The following NRSN2 variants were observed in gnomAD, a reference collection of about 807,000 sequenced individuals.
NRSN2 encodes the protein neurensin 2.
NRSN2 carries 10 observed loss-of-function variants against 11.1 expected under a neutral mutation model. That is an observed-to-expected ratio of 0.90 (90% CI 0.56 to 1.53). The LOEUF (loss-of-function observed/expected upper bound fraction) is 1.53, where lower values mean the gene tolerates loss of function less well. Among genes scored for constraint, NRSN2 ranks in the 40% most tolerant of loss-of-function variants. The pLI is 0.00. For missense variants in NRSN2, 260 were observed against 273.7 expected (o/e 0.95, Z 0.35); for synonymous variants, 100 against 117.0 (o/e 0.86, Z 0.94).
chr20:349,607 C>T, intron 3 of NRSN2, 31 bp from the exon 4 acceptor site: 2 of 1,572,280 alleles, frequency 1.3e-6, no homozygotes, highest in Middle Eastern at 4.4e-4. Flanking sequence ...TAATCCCTCC[C>T]TCCGTCAGCT....
chr20:352,575 G>A (rs1182344591), intron 4 of NRSN2, among the ~76,000 whole-genome samples: 3 of 152,184 alleles, frequency 2.0e-5, no homozygotes. Context: ...TGTCTTCGAG[G>A]AACTCTTTTA....
rs746719270 is a variant in NRSN2, at chr20:353,603, G to A, written c.583G>A (p.Val195Met). ...PPASPFGQSS[V>M]QTIQPKRDS ...CGCCAGCCCCTTTGGGCAATCTTCT[G>A]TGCAGACTATCCAGCCCAAGAGGGA... The change falls in exon 5 of 5, where the codon GTG (valine) becomes ATG (methionine). Residue 195 changes from valine to methionine, a missense_variant. Coordinates refer to ENST00000382285, the MANE Select transcript of NRSN2 (RefSeq NM_001323682.2). 5.0e-6 allele frequency: 8 copies of A among 1,614,062 alleles called. No individual in the cohort carries two copies. The highest frequency in any genetic ancestry group is 1.1e-5 in the South Asian group (1 of 91,088).
At chr20:353,070 G>C in intron 4 of NRSN2, 140 bp from the exon 5 acceptor site, 1 of 731,226 alleles carries the variant, frequency 1.4e-6, no homozygotes, top group Non-Finnish European at 2.3e-6. Context: ...TTAGACCCCA[G>C]CAAGTGTGTT....
intron 4 of NRSN2, among the ~76,000 whole-genome samples, chr20:351,622 G>A (rs1181855204): frequency 6.6e-6 from 1 of 152,208 alleles, no homozygotes; most frequent in Non-Finnish European, 1.5e-5. Context: ...CCAAAGAAGA[G>A]AGAAATACTT....
rs2013731392 is a variant in NRSN2, at chr20:349,343, C to T, written c.-27C>T. 1.1e-5 allele frequency: 3 copies of T among 265,526 alleles called. No individual in the cohort carries two copies. Among genetic ancestry groups the T allele is most frequent in the South Asian group, 9.2e-5 (1 of 10,812 alleles). 16.4% of individuals were successfully genotyped at this position (265,526 alleles called of 1,614,324 possible). On this transcript the variant is annotated 5_prime_UTR_variant, in exon 3 of 5. Transcript: ENST00000382285. The stretch of plus-strand genomic sequence containing the variant: ...CACGACTCCAGTCCAAGTGGTCAGG[C>T]TCCAGAGCCCACAGTCCCAGGTACT...
chr20:351,270 T>C (rs60474483), intron 4 of NRSN2, among the ~76,000 whole-genome samples: 16,988 of 152,040 alleles, frequency 0.11, 1,516 homozygotes, highest in African/African-American at 0.25. Flanking sequence ...GGTACTGGCT[T>C]ACACCTGTAA....
At position 354,246 on chromosome 20, in the gene NRSN2, C is replaced by G. The variant is rs1349744606; in HGVS notation, c.*611C>G. The stretch of plus-strand genomic sequence containing the variant: ...GGTGGGTGAAGAAGGCTGGAGGTGA[C>G]ATGTCCGAGGTCACACAACAAAGCA... On this transcript the variant is annotated 3_prime_UTR_variant, in exon 5 of 5. Coordinates refer to ENST00000382285, the MANE Select transcript of NRSN2 (RefSeq NM_001323682.2). 1 of 152,384 alleles carries G rather than the reference C, an allele frequency of 6.6e-6. No individual in the cohort carries two copies. Among genetic ancestry groups the G allele is most frequent in the East Asian group, 1.9e-4 (1 of 5,186 alleles). 9.4% of individuals were successfully genotyped at this position (152,384 alleles called of 1,614,324 possible). A position where few individuals can be genotyped will look rare whatever the true frequency, so the allele number is the denominator to read the frequency against.
In NRSN2 at chr20:353,231, C is replaced by A; in HGVS notation, c.211C>A (p.Leu71Met). The A allele has an allele frequency of 3.7e-6, 6 of 1,614,016 alleles. No homozygotes were observed. The highest frequency in any genetic ancestry group is 5.1e-6 in the Non-Finnish European group (6 of 1,179,992). ...CWKISLSSGTLLLLLGVAALT... is the reference protein window; with the variant it reads ...CWKISLSSGTMLLLLGVAALT... ...CTAGATCAGCCTGTCCTCGGGGACC[C>A]TGCTTCTGCTGCTGGGTGTGGCGGC... The change falls in exon 5 of 5, where the codon CTG becomes ATG. Residue 71 changes from leucine to methionine, a missense_variant. Coordinates refer to ENST00000382285, the MANE Select transcript of NRSN2 (RefSeq NM_001323682.2).
chr20:349,570 A>G, intron 3 of NRSN2, 68 bp from the exon 4 acceptor site: 1 of 1,347,298 alleles, frequency 7.4e-7, no homozygotes, highest in Admixed American at 2.0e-5. Context: ...TAGGGGGCTT[A>G]TGAAGGTCAC....
At chr20:351,568 C>T (rs1014594422) in intron 4 of NRSN2, among the ~76,000 whole-genome samples, 2 of 151,926 alleles carry the variant, frequency 1.3e-5, no homozygotes, top group Non-Finnish European at 2.9e-5. Flanking sequence ...AGAGAGAAAG[C>T]AAAATAGTAA....
intron 4 of NRSN2, among the ~76,000 whole-genome samples, chr20:350,748 A>G (rs1276356632): frequency 6.6e-6 from 1 of 151,944 alleles, no homozygotes; most frequent in Non-Finnish European, 1.5e-5. Context: ...CTTTCAGGCA[A>G]AGTTTGATCC....
rs2014112518 is a variant in NRSN2 at position 353,220 on chromosome 20, C to T, written c.200C>T (p.Ser67Phe). 1.2e-6 allele frequency: 2 copies of T among 1,613,928 alleles called. No homozygotes were observed. Among genetic ancestry groups the T allele is most frequent in the African/African-American group, 1.3e-5 (1 of 75,034 alleles). ...WPSLCWKISL[S>F]SGTLLLLLGV... ...TCTGCTTCTCCCTAGATCAGCCTGT[C>T]CTCGGGGACCCTGCTTCTGCTGCTG... Residue 67 changes from serine to phenylalanine, a missense_variant, in exon 5 of 5, where the codon TCC becomes TTC. By Grantham distance (155) the Ser-to-Phe change is radical. Coordinates refer to ENST00000382285, the MANE Select transcript of NRSN2 (RefSeq NM_001323682.2).
At chr20:350,865 G>T (rs2013913937) in intron 4 of NRSN2, among the ~76,000 whole-genome samples, 1 of 151,952 alleles carries the variant, frequency 6.6e-6, no homozygotes, top group African/African-American at 2.4e-5. Flanking sequence ...CTCCCCACAT[G>T]TTCCCCAAAT....
chr20:353,466 AG>A lies in NRSN2; in HGVS notation c.447del (p.Glu149AspfsTer92). 6.2e-7 allele frequency: 1 copy of A among 1,614,118 alleles called. No individual in the cohort carries two copies. The highest frequency in any genetic ancestry group is 8.5e-7 in the Non-Finnish European group (1 of 1,180,012). ...TGGCTGAGCCAGGACACCAAGGCAG[AG>A]CCCTTGGACCCCGAAGCCGACAGCC... ...IGWLSQDTKA[E>X]PLDPEADSHV... On this transcript the variant is annotated frameshift_variant, in exon 5 of 5. Transcript: ENST00000382285. LOFTEE classifies it high-confidence loss of function.
chr20:353,859 A>C lies in NRSN2; in HGVS notation c.*224A>C. 7.3e-6 allele frequency: 4 copies of C among 545,272 alleles called. No homozygotes were observed. Among genetic ancestry groups the C allele is most frequent in the Non-Finnish European group, 6.4e-6 (2 of 311,940 alleles). 33.8% of individuals were successfully genotyped at this position (545,272 alleles called of 1,614,324 possible). On this transcript the variant is annotated 3_prime_UTR_variant, in exon 5 of 5. Transcript: ENST00000382285. Reference sequence around the variant, plus strand: ...AGTCCTCCCAAAACTTCCTACCCACACCCTCTTCCCAAGGCCCTCAGGGGC... The same window carrying C: ...AGTCCTCCCAAAACTTCCTACCCACCCCCTCTTCCCAAGGCCCTCAGGGGC...
rs1301573684 is a variant in NRSN2 at position 354,534 on chromosome 20, C to T, written c.*899C>T. On this transcript the variant is annotated 3_prime_UTR_variant, in exon 5 of 5. Coordinates refer to ENST00000382285, the MANE Select transcript of NRSN2 (RefSeq NM_001323682.2). ...GTCTTTGCCCCTCAAAGTCCACCTA[C>T]CTAGAAACCAAGCCCACGGTCTTGG... The T allele has an allele frequency of 6.6e-6, 1 of 152,214 alleles. No homozygotes were observed. Among genetic ancestry groups the T allele is most frequent in the African/African-American group, 2.4e-5 (1 of 41,406 alleles). The allele number at this position is 152,214 out of a possible 1,614,324, so 9.4% of individuals were successfully genotyped here. A position where few individuals can be genotyped will look rare whatever the true frequency, so the allele number is the denominator to read the frequency against.
At chr20:348,816 G>A (rs1230701417) in intron 2 of NRSN2, among the ~76,000 whole-genome samples, 1 of 150,928 alleles carries the variant, frequency 6.6e-6, no homozygotes, top group Non-Finnish European at 1.5e-5. Flanking sequence ...GGATATACAA[G>A]TACCTTCCAT....
At position 347,811 on chromosome 20, in the gene NRSN2, C is replaced by T. The variant is rs369540541; in HGVS notation, c.-122+299C>T. Among the ~76,000 whole-genome samples, 1 of 152,120 alleles carries T rather than the reference C, an allele frequency of 6.6e-6. No individual in the cohort carries two copies. Among genetic ancestry groups the T allele is most frequent in the East Asian group, 1.9e-4 (1 of 5,174 alleles). The stretch of plus-strand genomic sequence containing the variant: ...CCTCCGCCTCCCGCTCCCCTCCCAC[C>T]GAGCTCCTCCCGGCTCCCGGGCTGG... On this transcript the variant is annotated intron_variant, in intron 2 of 4. Transcript: ENST00000382285. The surrounding 1 kb of genome is among the most constrained non-coding windows in gnomAD (Gnocchi z 7.0).
chr20:354,030 T>G lies in NRSN2; in HGVS notation c.*395T>G. 4.4e-6 allele frequency: 1 copy of G among 226,598 alleles called. No homozygotes were observed. The allele number at this position is 226,598 out of a possible 1,614,324, so 14.0% of individuals were successfully genotyped here. ...TTCTCGCCAGGATGAGGACACGCACTGCCCTCCATAGACACAGATGAAGGG... is the reference window on the plus strand; with the variant it reads ...TTCTCGCCAGGATGAGGACACGCACGGCCCTCCATAGACACAGATGAAGGG... On this transcript the variant is annotated 3_prime_UTR_variant, in exon 5 of 5. Coordinates refer to ENST00000382285, the MANE Select transcript of NRSN2 (RefSeq NM_001323682.2).
Sources: gnomAD v4.1 joint callset for allele counts (sites outside exome capture counted in the v4.1 genomes callset) on GRCh38, gnomAD v4.1.1 for gene constraint, Gnocchi (gnomAD v3.1) non-coding constraint, MANE v1.5 for transcripts, NCBI Gene and HGNC (gene_info 2026-07-23, HGNC 2026-07-21) for gene names.